CPQ: variants seen among roughly 807,000 people sequenced by gnomAD.
The protein encoded by CPQ is Ser-Met dipeptidase.
CPQ carries 37 observed loss-of-function variants against 45.7 expected under a neutral mutation model. The ratio of observed to expected loss-of-function variants is 0.81; its 90% CI spans 0.62 to 1.07. CPQ has a LOEUF of 1.07. Among genes scored for constraint, CPQ ranks in the 50% least tolerant of loss-of-function variants. The pLI, the probability that CPQ is intolerant of heterozygous loss-of-function variation, is 0.00. For missense variants in CPQ, 537 were observed against 572.9 expected (o/e 0.94, Z 0.64); for synonymous variants, 186 against 205.8 (o/e 0.90, Z 0.82).
chr8:97,087,277 A>C (rs1317879176), intron 7 of CPQ, among the ~76,000 whole-genome samples: 1 of 152,180 alleles, frequency 6.6e-6, no homozygotes, highest in Admixed American at 6.5e-5. Context: ...ATGATAATGG[A>C]TACACAAATT....
At chr8:96,786,902 T>C (rs2130810642) in intron 2 of CPQ, among the ~76,000 whole-genome samples, 1 of 152,316 alleles carries the variant, frequency 6.6e-6, no homozygotes, top group East Asian at 1.9e-4. Context: ...TTAAAAGCTT[T>C]TTTAATGTAT....
chr8:96,862,521 G>A (rs1198193262), intron 3 of CPQ, among the ~76,000 whole-genome samples: 4 of 151,954 alleles, frequency 2.6e-5, no homozygotes, highest in Admixed American at 1.3e-4. Flanking sequence ...TTAGGAATAT[G>A]GAGTTACTTT....
At chr8:97,018,230 G>A (rs1292208832) in intron 5 of CPQ, among the ~76,000 whole-genome samples, 2 of 152,180 alleles carry the variant, frequency 1.3e-5, no homozygotes. Flanking sequence ...AAAAGGAACT[G>A]AACACCAGCG....
chr8:97,142,935 C>A (rs771792133), intron 7 of CPQ, 85 bp from the exon 8 acceptor site: 4 of 1,322,036 alleles, frequency 3.0e-6, no homozygotes, highest in Non-Finnish European at 1.1e-6. Context: ...ATAATAGGAG[C>A]AGGCAAAAGT....
chr8:96,846,422 ATG>A (rs1436346444), intron 3 of CPQ, among the ~76,000 whole-genome samples: 2 of 152,102 alleles, frequency 1.3e-5, no homozygotes, highest in Admixed American at 1.3e-4. Flanking sequence ...CTCCCAGCTG[ATG>A]TCTTTCCCAT....
At chr8:96,684,526 G>T (rs576149109) in intron 1 of CPQ, among the ~76,000 whole-genome samples, 1 of 152,234 alleles carries the variant, frequency 6.6e-6, no homozygotes, top group Admixed American at 6.5e-5. Context: ...CAGTATGCTC[G>T]GGTGCAAGCA....
chr8:96,646,260 G>T (rs964178613), intron 1 of CPQ, among the ~76,000 whole-genome samples: 2 of 151,886 alleles, frequency 1.3e-5, no homozygotes, highest in African/African-American at 4.8e-5. Context: ...TGTTGGACTT[G>T]GCTATATGTG....
At chr8:97,080,838 A>G (rs1810934806) in intron 7 of CPQ, among the ~76,000 whole-genome samples, 1 of 152,164 alleles carries the variant, frequency 6.6e-6, no homozygotes, top group East Asian at 1.9e-4. Context: ...GCATCTTTTG[A>G]GACCTGAGTG....
rs865858819 is a variant in CPQ at position 97,123,221 on chromosome 8, T to C, written c.1256-19799T>C. Among the ~76,000 whole-genome samples, 63 of 108,216 alleles carry C rather than the reference T, an allele frequency of 5.8e-4. 1 individual carries two copies. In the South Asian group the frequency reaches 0.017, roughly 30 times the overall value. The allele number at this position is 108,216 out of a possible 152,430, so 71.0% of individuals were successfully genotyped here. On this transcript the variant is annotated intron_variant, in intron 7 of 7. Transcript: ENST00000220763. ...AAATAAAATAAAAAATAAAATAAAA[T>C]AAAATAAAATAAAATAAATAAAATA...
At chr8:96,942,999 T>A (rs1391480242) in intron 4 of CPQ, among the ~76,000 whole-genome samples, 1 of 152,166 alleles carries the variant, frequency 6.6e-6, no homozygotes, top group African/African-American at 2.4e-5. Flanking sequence ...GAGCTCCATT[T>A]GAGAGGATTC....
intron 3 of CPQ, among the ~76,000 whole-genome samples, chr8:96,870,785 T>G (rs1812057482): frequency 1.3e-5 from 2 of 152,018 alleles, no homozygotes; most frequent in Admixed American, 6.6e-5. Context: ...TTTGTGGTAT[T>G]TTGTGATTTT....
chr8:96,999,514 A>G (rs529181381), intron 5 of CPQ, among the ~76,000 whole-genome samples: 2 of 151,742 alleles, frequency 1.3e-5, no homozygotes, highest in South Asian at 4.2e-4. Context: ...TTCTGTGTTA[A>G]TTTGCTAAGG....
chr8:97,020,291 T>G (rs1809656512), intron 5 of CPQ, among the ~76,000 whole-genome samples: 1 of 151,786 alleles, frequency 6.6e-6, no homozygotes, highest in Admixed American at 6.6e-5. Context: ...GAGCACAAAT[T>G]GAGATTCTAA....
intron 7 of CPQ, among the ~76,000 whole-genome samples, chr8:97,084,489 TG>T (rs1426840241): frequency 6.6e-6 from 1 of 152,178 alleles, no homozygotes; most frequent in Non-Finnish European, 1.5e-5. Flanking sequence ...TTAAGCAGAA[TG>T]CCACATTCAT....
chr8:97,062,619 T>A (rs1013756335), intron 6 of CPQ, among the ~76,000 whole-genome samples: 7 of 152,172 alleles, frequency 4.6e-5, no homozygotes. Flanking sequence ...ATCTTCTCCC[T>A]CCTTCCACCA....
At chr8:97,013,740 T>C (rs959826544) in intron 5 of CPQ, among the ~76,000 whole-genome samples, 1 of 152,188 alleles carries the variant, frequency 6.6e-6, no homozygotes, top group African/African-American at 2.4e-5. Context: ...AGGTAACTCT[T>C]GGAGGCAGAT....
intron 1 of CPQ, among the ~76,000 whole-genome samples, chr8:96,766,644 A>G (rs1810471489): frequency 1.3e-5 from 2 of 152,162 alleles, no homozygotes; most frequent in Admixed American, 6.5e-5. Context: ...TGAAGTAGAG[A>G]GGAGAGAGAG....
intron 4 of CPQ, among the ~76,000 whole-genome samples, chr8:96,880,700 CACTT>C (rs1247860083): frequency 6.6e-6 from 1 of 151,452 alleles, no homozygotes; most frequent in Non-Finnish European, 1.5e-5. Flanking sequence ...AGCATGTTCT[CACTT>C]ACAAGTGGGA....
intron 4 of CPQ, among the ~76,000 whole-genome samples, chr8:96,928,121 G>T (rs1226987143): frequency 6.6e-6 from 1 of 152,040 alleles, no homozygotes; most frequent in African/African-American, 2.4e-5. Flanking sequence ...TTCATTTTAT[G>T]GGTTGACTGT....
Sources: allele counts gnomAD v4.1 joint callset (sites outside exome capture counted in the v4.1 genomes callset), GRCh38; gene constraint gnomAD v4.1.1; transcripts MANE v1.5; gene names NCBI Gene and HGNC (gene_info 2026-07-23, HGNC 2026-07-21).